ATP7B: variants seen among roughly 807,000 people sequenced by gnomAD.
ATP7B encodes the protein copper-transporting ATPase 2.
Under a neutral mutation model 118.9 loss-of-function variants are expected in ATP7B, and 113 were observed. The observed-to-expected ratio is 0.95, with a 90% confidence interval of 0.82 to 1.11. The LOEUF (loss-of-function observed/expected upper bound fraction) is 1.11, where lower values mean the gene tolerates loss of function less well. Ranked by LOEUF, ATP7B falls within the 50% of genes most tolerant of loss-of-function variation. The pLI is 0.00. For synonymous variants in ATP7B, 777 were observed against 727.4 expected (o/e 1.07, Z -1.10); for missense variants, 1,867 against 1,871.4 (o/e 1.00, Z 0.04).
chr13:51,977,231 AT>A (rs56182396), intron 1 of ATP7B, among the ~76,000 whole-genome samples: 7 of 147,096 alleles, frequency 4.8e-5, no homozygotes, highest in Admixed American at 2.7e-4. Flanking sequence ...TAAACGTTTA[AT>A]TTTTTTTTTT....
intron 4 of ATP7B, among the ~76,000 whole-genome samples, chr13:51,966,349 C>T (rs1191913586): frequency 6.6e-6 from 1 of 152,242 alleles, no homozygotes; most frequent in East Asian, 1.9e-4. Flanking sequence ...CTGCCATCTG[C>T]AGCATGAGGT....
chr13:51,940,305 A>G (rs1178451024), intron 16 of ATP7B, among the ~76,000 whole-genome samples: 1 of 138,682 alleles, frequency 7.2e-6, no homozygotes, highest in Non-Finnish European at 1.6e-5. Context: ...GAGCCACCGC[A>G]CCTGGCCAAC....
intron 2 of ATP7B, 111 bp downstream of exon 2, chr13:51,973,824 T>C (rs1951958111): frequency 2.0e-6 from 3 of 1,497,008 alleles, no homozygotes; most frequent in South Asian, 1.1e-5. Context: ...TTTGTTCCAC[T>C]GTTGACATGG....
chr13:51,987,488 C>A (rs1332552598), intron 1 of ATP7B, among the ~76,000 whole-genome samples: 2 of 152,156 alleles, frequency 1.3e-5, no homozygotes, highest in East Asian at 1.9e-4. Flanking sequence ...CCATACTGCC[C>A]AAAGTAATTT....
At chr13:51,966,650 C>T (rs61957455) in intron 4 of ATP7B, 57,373 of 1,003,006 alleles carry the variant, frequency 0.057, 2,084 homozygotes, top group South Asian at 0.12. Context: ...ATTGATACAG[C>T]ATGGTTTTTT....
At position 51,950,025 on chromosome 13, in the gene ATP7B, T is replaced by C. The variant is rs146232015; in HGVS notation, c.2712A>G (p.Glu904=). ...TCATTACCTTTGACATCTGAGCCTCTTCCACCAGTTTCACAATCTGAGCCA... is the reference window on the plus strand; with the variant it reads ...TCATTACCTTTGACATCTGAGCCTCCTCCACCAGTTTCACAATCTGAGCCA... The part of the protein sequence containing the change: ...TTLAQIVKLV[E]EAQMSKAPIQ... The change falls in exon 11 of 21, where the codon GAA becomes GAG. Residue 904 remains glutamate (E), a synonymous_variant. Transcript: ENST00000242839. 19 of 1,614,250 alleles carry C rather than the reference T, an allele frequency of 1.2e-5. No homozygotes were observed. The highest frequency in any genetic ancestry group is 1.6e-4 in the Middle Eastern group (1 of 6,062).
At chr13:52,007,399 T>A (rs1321059048) in intron 1 of ATP7B, among the ~76,000 whole-genome samples, 1 of 152,160 alleles carries the variant, frequency 6.6e-6, no homozygotes, top group Non-Finnish European at 1.5e-5. Flanking sequence ...AGTTTCCCCA[T>A]CTGTAAAGCA....
chr13:51,956,431 A>G (rs1958353082), intron 9 of ATP7B, among the ~76,000 whole-genome samples: 1 of 152,212 alleles, frequency 6.6e-6, no homozygotes, highest in South Asian at 2.1e-4. Flanking sequence ...CGCCTCTGAA[A>G]ATGGGAGTGG....
chr13:51,988,607 A>G (rs1952769454), intron 1 of ATP7B, among the ~76,000 whole-genome samples: 1 of 152,166 alleles, frequency 6.6e-6, no homozygotes, highest in East Asian at 1.9e-4. Flanking sequence ...ACACGCACAC[A>G]TATGTTTATT....
chr13:51,997,730 T>C (rs1953280365), intron 1 of ATP7B, among the ~76,000 whole-genome samples: 3 of 152,208 alleles, frequency 2.0e-5, no homozygotes, highest in Admixed American at 2.0e-4. Flanking sequence ...GAAAATTTAA[T>C]AGTAGAATAC....
chr13:51,973,657 T>C (rs1031656406), intron 2 of ATP7B, among the ~76,000 whole-genome samples: 1 of 152,210 alleles, frequency 6.6e-6, no homozygotes, highest in East Asian at 1.9e-4. Context: ...ACAAATTCCA[T>C]ATCTTTATAA....
rs199581971 is a variant in ATP7B, at chr13:51,946,347, G to A, written c.2997C>T (p.Thr999=). 2.9e-5 allele frequency: 46 copies of A among 1,611,370 alleles called. No individual in the cohort carries two copies. The highest frequency in any genetic ancestry group is 1.9e-4 in the African/African-American group (14 of 74,910). Residue 999 remains threonine, a synonymous_variant, in exon 13 of 21, where the codon ACC becomes ACT. Transcript: ENST00000242839. ...LATPTAVMVG[T]GVAAQNGILI... is the part of the protein sequence containing the mutation. ...GGATGCCGTTCTGCGCGGCCACCCC[G>A]GTGCCCACCATGACAGCCGTGGGCG...
chr13:51,973,204 G>C (rs191223648), intron 2 of ATP7B, among the ~76,000 whole-genome samples: 1 of 152,230 alleles, frequency 6.6e-6, no homozygotes, highest in South Asian at 2.1e-4. Flanking sequence ...TTTTGAGAAG[G>C]TGATAATAGT....
chr13:51,944,981 C>T (rs7337194), intron 13 of ATP7B, among the ~76,000 whole-genome samples: 5,628 of 152,264 alleles, frequency 0.037, 355 homozygotes, highest in African/African-American at 0.13. Flanking sequence ...CCATTTAAGG[C>T]CAGCAGGTTG....
chr13:51,959,767 T>C, intron 7 of ATP7B: 2 of 280,304 alleles, frequency 7.1e-6, no homozygotes, highest in Admixed American at 4.9e-5. Flanking sequence ...AAGAGTGGCA[T>C]GGGCTCAAGG....
rs780648361 is a variant in ATP7B at position 51,941,096 on chromosome 13, G to C, written c.3541C>G (p.Leu1181Val). Residue 1181 changes from leucine to valine, a missense_variant, in exon 16 of 21, where the codon CTG becomes GTG. Transcript: ENST00000242839. ...DHEMKGQTAI[L>V]VAIDGVLCGM... ...CAGAAGATACCGTCAATAGCCACCA[G>C]GATGGCTGTCTGTCCTTTCATCTCG... The C allele has an allele frequency of 6.2e-7, 1 of 1,614,206 alleles. No homozygotes were observed. Among genetic ancestry groups the C allele is most frequent in the Admixed American group, 1.7e-5 (1 of 60,032 alleles).
intron 11 of ATP7B, 82 bp downstream of exon 11, chr13:51,949,925 A>G (rs1425430261): frequency 1.2e-6 from 2 of 1,611,448 alleles, no homozygotes; most frequent in Admixed American, 3.3e-5. Context: ...TCTACTCAAT[A>G]AAACTGTCTG....
At chr13:51,959,449 C>G (rs908885715) in intron 7 of ATP7B, 4 of 140,134 alleles carry the variant, frequency 2.9e-5, no homozygotes, top group Non-Finnish European at 4.5e-5. Flanking sequence ...TTCAAGACTA[C>G]AGTGAACTAT....
chr13:51,960,227 G>T lies in ATP7B; in HGVS notation c.2042C>A (p.Ser681Tyr), dbSNP rs769894657. 1.9e-6 allele frequency: 3 copies of T among 1,613,942 alleles called. No individual in the cohort carries two copies. Among genetic ancestry groups the T allele is most frequent in the East Asian group, 2.2e-5 (1 of 44,882 alleles). ...AATGATGTTGTGGTCCAGGACCATG[G>T]ACTGGTGGGGCTCGTTGCTGGGTAT... ...MLIPSNEPHQ[S>Y]MVLDHNIIPG... is the part of the protein sequence containing the mutation. The change falls in exon 7 of 21, where the codon TCC becomes TAC. Residue 681 changes from serine to tyrosine, a missense_variant. By Grantham distance (144) the Ser-to-Tyr change is moderately radical (BLOSUM62 -2). Coordinates refer to ENST00000242839, the MANE Select transcript of ATP7B (RefSeq NM_000053.4).
Sources: gnomAD v4.1 joint callset for allele counts (sites outside exome capture counted in the v4.1 genomes callset) on GRCh38, gnomAD v4.1.1 for gene constraint, MANE v1.5 for transcripts, NCBI Gene and HGNC (gene_info 2026-07-23, HGNC 2026-07-21) for gene names.